SYT14: variants seen among roughly 807,000 people sequenced by gnomAD.
SYT14 encodes synaptotagmin-14.
A neutral mutation model predicts 74.2 loss-of-function variants in SYT14; 32 were observed. The observed-to-expected ratio is 0.43, with a 90% CI of 0.33 to 0.58. The LOEUF is 0.58. Among genes scored for constraint, SYT14 ranks in the 20% least tolerant of loss-of-function variants. The pLI, the probability that SYT14 is intolerant of heterozygous loss-of-function variation, is 0.05. For missense variants in SYT14, 791 were observed against 981.8 expected (o/e 0.81, Z 2.60); for synonymous variants, 298 against 337.7 (o/e 0.88, Z 1.29).
chr1:210,093,297 A>G (rs888747065), intron 5 of SYT14, among the ~76,000 whole-genome samples: 5 of 152,210 alleles, frequency 3.3e-5, no homozygotes, highest in African/African-American at 9.6e-5. Context: ...GAACTCCATA[A>G]CAATGATAGT....
intron 7 of SYT14, among the ~76,000 whole-genome samples, chr1:210,131,573 A>G (rs375473882): frequency 1.3e-5 from 2 of 151,598 alleles, no homozygotes; most frequent in South Asian, 4.2e-4. Flanking sequence ...GTACATATAC[A>G]TATTTACATT....
At chr1:210,118,608 C>G (rs1459289410) in intron 7 of SYT14, among the ~76,000 whole-genome samples, 1 of 152,102 alleles carries the variant, frequency 6.6e-6, no homozygotes, top group Non-Finnish European at 1.5e-5. Flanking sequence ...TCCCAAGTAG[C>G]TGGGATTACA....
At chr1:209,978,315 T>G (rs1405654411) in intron 2 of SYT14, among the ~76,000 whole-genome samples, 1 of 152,162 alleles carries the variant, frequency 6.6e-6, no homozygotes, top group Non-Finnish European at 1.5e-5. Context: ...TCTGCTCTGT[T>G]TTTTCACCAT....
exon 6 of SYT14, chr1:210,094,376 C>T (rs2081931112): frequency 6.2e-7 from 1 of 1,613,852 alleles, no homozygotes; most frequent in African/African-American, 1.3e-5. Context: ...TTGCAGCCAC[C>T]ACCATATCAG....
chr1:210,148,084 CACAA>C (rs1409773626), intron 7 of SYT14, among the ~76,000 whole-genome samples: 1 of 150,582 alleles, frequency 6.6e-6, no homozygotes, highest in Non-Finnish European at 1.5e-5. Flanking sequence ...TCAATACTCA[CACAA>C]ACAAAAAAAA....
chr1:210,161,507 A>C, exon 10 of SYT14: 1 of 453,964 alleles, frequency 2.2e-6, no homozygotes, highest in Non-Finnish European at 4.4e-6. Context: ...TAGTTCTCCA[A>C]CTCTATCATA....
At chr1:210,043,930 T>C (rs1334674398) in intron 5 of SYT14, among the ~76,000 whole-genome samples, 2 of 152,192 alleles carry the variant, frequency 1.3e-5, no homozygotes, top group African/African-American at 4.8e-5. Flanking sequence ...ATTAGGATAA[T>C]ACCGAGAATT....
At chr1:210,157,836 A>G (rs2083298704) in intron 8 of SYT14, among the ~76,000 whole-genome samples, 1 of 152,034 alleles carries the variant, frequency 6.6e-6, no homozygotes, top group Non-Finnish European at 1.5e-5. Flanking sequence ...AACTCTTTCT[A>G]GTTGTCGTAA....
At chr1:210,012,640 T>C (rs2080106979) in intron 2 of SYT14, among the ~76,000 whole-genome samples, 1 of 152,112 alleles carries the variant, frequency 6.6e-6, no homozygotes, top group Non-Finnish European at 1.5e-5. Context: ...AATAATGATA[T>C]GTGTTCTCAT....
chr1:210,110,355 CAGG>C (rs2082238811), intron 7 of SYT14, among the ~76,000 whole-genome samples: 1 of 151,986 alleles, frequency 6.6e-6, no homozygotes, highest in Non-Finnish European at 1.5e-5. Flanking sequence ...ATGAAATGTC[CAGG>C]AGGACAAAAT....
intron 5 of SYT14, among the ~76,000 whole-genome samples, chr1:210,037,197 G>A (rs142534994): frequency 1.9e-3 from 290 of 151,988 alleles, no homozygotes; most frequent in African/African-American, 6.5e-3. Context: ...ATTTCCTCTA[G>A]GTTTTCTAGT....
intron 2 of SYT14, among the ~76,000 whole-genome samples, chr1:210,000,370 T>G (rs1387452378): frequency 6.6e-6 from 1 of 151,978 alleles, no homozygotes; most frequent in Non-Finnish European, 1.5e-5. Flanking sequence ...CGTGGGATAG[T>G]GCATGATGCA....
At position 210,015,075 on chromosome 1, in the gene SYT14, C is replaced by T. The variant is rs534079268; in HGVS notation, c.-320-609C>T. ...TATTACATGTTAATATAAATATCAT[C>T]TTTAAATTTTACAAAACTATTTTCC... On this transcript the variant is annotated intron_variant, in intron 3 of 9. Transcript: ENST00000637265. Among the ~76,000 whole-genome samples the T allele has an allele frequency of 8.1e-3, 1,216 of 149,826 alleles. 21 individuals carry two copies. The highest frequency in any genetic ancestry group is 0.029 in the African/African-American group (1,161 of 39,570).
chr1:210,111,369 C>A (rs572913488), intron 7 of SYT14, among the ~76,000 whole-genome samples: 1 of 151,886 alleles, frequency 6.6e-6, no homozygotes, highest in East Asian at 1.9e-4. Context: ...AAGGCAGGAA[C>A]CGGCCATTTT....
intron 5 of SYT14, among the ~76,000 whole-genome samples, chr1:210,049,387 TTC>T (rs2080945664): frequency 7.0e-6 from 1 of 142,112 alleles, no homozygotes; most frequent in Admixed American, 7.3e-5. Context: ...CAAACACCAA[TTC>T]TTTTTTTTTT....
At chr1:210,035,727 G>A (rs982673631) in intron 5 of SYT14, among the ~76,000 whole-genome samples, 2 of 151,444 alleles carry the variant, frequency 1.3e-5, no homozygotes, top group African/African-American at 4.8e-5. Flanking sequence ...TTAAAGATCA[G>A]TTATTTCTGG....
intron 7 of SYT14, among the ~76,000 whole-genome samples, chr1:210,124,738 C>T (rs567565630): frequency 6.6e-6 from 1 of 152,158 alleles, no homozygotes; most frequent in Non-Finnish European, 1.5e-5. Flanking sequence ...GGGTAGGTGT[C>T]ATTATTTAAT....
chr1:210,107,765 A>G (rs182717021), intron 7 of SYT14, among the ~76,000 whole-genome samples: 22 of 152,280 alleles, frequency 1.4e-4, no homozygotes, highest in Non-Finnish European at 2.5e-4. Flanking sequence ...GTTTGATCCT[A>G]TTTTTATAAA....
chr1:210,016,316 A>G, exon 4 of SYT14: 1 of 1,232,154 alleles, frequency 8.1e-7, no homozygotes, highest in Non-Finnish European at 1.0e-6. Context: ...TACTTGTAAA[A>G]CTTCACTAAA....
Sources: allele counts gnomAD v4.1 joint callset (sites outside exome capture counted in the v4.1 genomes callset), GRCh38; gene constraint gnomAD v4.1.1; transcripts MANE v1.5; gene names NCBI Gene and HGNC (gene_info 2026-07-23, HGNC 2026-07-21).